Variants in FAM204A observed in about 807,000 individuals in gnomAD.
FAM204A encodes the protein family with sequence similarity 204 member A, also known as protein FAM204A.
In FAM204A, 16 loss-of-function variants were observed where a neutral mutation model predicts 35.4. The ratio of observed to expected loss-of-function variants is 0.45; its 90% confidence interval spans 0.31 to 0.69. The LOEUF (loss-of-function observed/expected upper bound fraction) is 0.69, where lower values mean the gene tolerates loss of function less well. Among genes scored for constraint, FAM204A ranks in the 30% least tolerant of loss-of-function variants. The pLI, the probability that FAM204A is intolerant of heterozygous loss-of-function variation, is 0.07. For synonymous variants in FAM204A, 76 were observed against 86.9 expected (o/e 0.88, Z 0.70); for missense variants, 240 against 265.7 (o/e 0.90, Z 0.67).
rs1364780643 is a variant in FAM204A at position 118,304,211 on chromosome 10, C to T, written c.*6646G>A. 1.3e-5 allele frequency: 2 copies of T among 152,166 alleles called. No individual in the cohort carries two copies. Among genetic ancestry groups the T allele is most frequent in the African/African-American group, 4.8e-5 (2 of 41,410 alleles). 9.4% of individuals were successfully genotyped at this position (152,166 alleles called of 1,614,324 possible). A position where few individuals can be genotyped will look rare whatever the true frequency, so the allele number is the denominator to read the frequency against. ...TCTTTCATCGACCTATTTCTGCAAC[C>T]TCCCTCCCTTCTGACCTCCAGGTTG... On this transcript the variant is annotated 3_prime_UTR_variant, in exon 9 of 9. Transcript: ENST00000369183.
At chr10:118,331,468 T>C (rs1846286633) in intron 6 of FAM204A, among the ~76,000 whole-genome samples, 1 of 152,176 alleles carries the variant, frequency 6.6e-6, no homozygotes. Context: ...TGCCAATTAA[T>C]TAAGTTTTAA....
rs1236381212 is a variant in FAM204A at position 118,298,967 on chromosome 10, CA to C, written c.*11889del. ...CAGCGATGGACTAATGGTTGCCTAG[CA>C]ACCACTAGACATTGTTTTGCTGCTT... On this transcript the variant is annotated 3_prime_UTR_variant, in exon 9 of 9. Coordinates refer to ENST00000369183, the MANE Select transcript of FAM204A (RefSeq NM_022063.3). 6.6e-6 allele frequency: 1 copy of C among 152,224 alleles called. No homozygotes were observed. The highest frequency in any genetic ancestry group is 1.9e-4 in the East Asian group (1 of 5,198). 9.4% of individuals were successfully genotyped at this position (152,224 alleles called of 1,614,324 possible).
In FAM204A at chr10:118,310,670, T is replaced by C; in HGVS notation, c.*187A>G. 1 of 568,640 alleles carries C rather than the reference T, an allele frequency of 1.8e-6. No individual in the cohort carries two copies. The highest frequency in any genetic ancestry group is 3.2e-5 in the East Asian group (1 of 31,512). 35.2% of individuals were successfully genotyped at this position (568,640 alleles called of 1,614,324 possible). ...CTTATACAAATAACAGAATGCTTCA[T>C]TTTATTCACTTCAATAGGACAAAGT... On this transcript the variant is annotated 3_prime_UTR_variant, in exon 9 of 9. Transcript: ENST00000369183.
rs1172785171 is a variant in FAM204A at position 118,298,683 on chromosome 10, T to C, written c.*12174A>G. ...ATTTTACAATGTACAGAGATTATTG[T>C]TACGTCCACATTATTATTTTTGGCA... On this transcript the variant is annotated 3_prime_UTR_variant, in exon 9 of 9. Transcript: ENST00000369183. 1 of 152,202 alleles carries C rather than the reference T, an allele frequency of 6.6e-6. No individual in the cohort carries two copies. The highest frequency in any genetic ancestry group is 1.9e-4 in the East Asian group (1 of 5,188). The allele number at this position is 152,202 out of a possible 1,614,324, so 9.4% of individuals were successfully genotyped here.
At chr10:118,311,592 A>T (rs1453531408) in intron 7 of FAM204A, 1 of 288,792 alleles carries the variant, frequency 3.5e-6, no homozygotes, top group East Asian at 7.1e-5. Context: ...AGTAATGAGG[A>T]TCTTCAAGCT....
At position 118,326,275 on chromosome 10, in the gene FAM204A, T is replaced by TG. The variant is rs767620788; in HGVS notation, c.454-33dup. On this transcript the variant is annotated intron_variant, in intron 6 of 8. Coordinates refer to ENST00000369183, the MANE Select transcript of FAM204A (RefSeq NM_022063.3). Reference sequence around the variant, plus strand: ...AAAAAAGAAACCTAAAATTAAGGGCTGGAAGGAAAGCAAACATTTGCTAGC... The same window carrying TG: ...AAAAAAGAAACCTAAAATTAAGGGCTGGGAAGGAAAGCAAACATTTGCTAGC... The TG allele has an allele frequency of 3.8e-6, 6 of 1,576,726 alleles. No individual in the cohort carries two copies. In the South Asian group the frequency reaches 5.6e-5, roughly 15 times the overall value.
chr10:118,326,238 G>A lies in FAM204A; in HGVS notation c.459C>T (p.Gly153=). 1.9e-6 allele frequency: 3 copies of A among 1,611,692 alleles called. No individual in the cohort carries two copies. Among genetic ancestry groups the A allele is most frequent in the Non-Finnish European group, 2.5e-6 (3 of 1,179,082 alleles). Residue 153 remains glycine, a synonymous_variant, in exon 7 of 9, where the codon GGC becomes GGT. Transcript: ENST00000369183. The part of the protein sequence containing the change: ...PVKRKKVEKS[G]LEKRIDQAVE... ...CAGCCTGGTCTATCCTCTTTTCAAG[G>A]CCTGACTAGAAAAAAAAGAAACCTA...
chr10:118,313,787 A>G (rs1194173906), intron 7 of FAM204A, among the ~76,000 whole-genome samples: 1 of 152,234 alleles, frequency 6.6e-6, no homozygotes, highest in South Asian at 2.1e-4. Context: ...GATCTGAACC[A>G]TATTTGCCAT....
At chr10:118,332,530 T>C (rs531299105) in intron 6 of FAM204A, among the ~76,000 whole-genome samples, 8 of 98,328 alleles carry the variant, frequency 8.1e-5, no homozygotes, top group Non-Finnish European at 1.6e-4. Context: ...CTCCACATCC[T>C]AATGCCCCTC....
chr10:118,324,384 C>T (rs1377537023), intron 7 of FAM204A, among the ~76,000 whole-genome samples: 1 of 152,148 alleles, frequency 6.6e-6, no homozygotes, highest in African/African-American at 2.4e-5. Flanking sequence ...TTCATAGCAG[C>T]ATTATTCGTA....
chr10:118,316,916 C>T (rs984110777), intron 7 of FAM204A, among the ~76,000 whole-genome samples: 7 of 151,852 alleles, frequency 4.6e-5, no homozygotes, highest in Non-Finnish European at 7.4e-5. Flanking sequence ...TGGATACAGA[C>T]GTTTATATTC....
Position 118,310,585 on chromosome 10 carries a change from C to T in FAM204A, c.*272G>A. 5.0e-6 allele frequency: 2 copies of T among 397,178 alleles called. No homozygotes were observed. Among genetic ancestry groups the T allele is most frequent in the Non-Finnish European group, 8.8e-6 (2 of 226,662 alleles). 24.6% of individuals were successfully genotyped at this position (397,178 alleles called of 1,614,324 possible). A position where few individuals can be genotyped will look rare whatever the true frequency, so the allele number is the denominator to read the frequency against. Reference sequence around the variant, plus strand: ...CCAAAAGTGATTTTATACCAAGGGTCCATCCATACAAATAAACAAAATCCT... The same window carrying T: ...CCAAAAGTGATTTTATACCAAGGGTTCATCCATACAAATAAACAAAATCCT... On this transcript the variant is annotated 3_prime_UTR_variant, in exon 9 of 9. Transcript: ENST00000369183.
intron 7 of FAM204A, among the ~76,000 whole-genome samples, chr10:118,315,317 A>C (rs190449549): frequency 8.7e-4 from 133 of 152,296 alleles, no homozygotes; most frequent in African/African-American, 3.1e-3. Context: ...GTTTGCTGAT[A>C]ATCATTTGAA....
At chr10:118,322,382 G>A (rs1438062830) in intron 7 of FAM204A, 1 of 456,342 alleles carries the variant, frequency 2.2e-6, no homozygotes, top group East Asian at 7.0e-5. Flanking sequence ...CTGACACTGA[G>A]AAACACACAA....
chr10:118,311,262 T>A lies in FAM204A; in HGVS notation c.595A>T (p.Lys199Ter). ...GCCTGTGAATTTTCAACCTCCTTTT[T>A]GGCTTTTACAAAGTTGTGGCAGGCA... ...AVACHNFVKA[K>*]KEVENSQAAR... Residue 199 changes from lysine (K) to a stop codon, truncating the protein, a stop_gained, in exon 8 of 9, where the codon AAA becomes TAA. Coordinates refer to ENST00000369183, the MANE Select transcript of FAM204A (RefSeq NM_022063.3). LOFTEE classifies it high-confidence loss of function. 6.2e-7 allele frequency: 1 copy of A among 1,612,612 alleles called. No individual in the cohort carries two copies. The highest frequency in any genetic ancestry group is 1.1e-5 in the South Asian group (1 of 90,458).
At chr10:118,315,418 T>C (rs1264820977) in intron 7 of FAM204A, among the ~76,000 whole-genome samples, 1 of 152,178 alleles carries the variant, frequency 6.6e-6, no homozygotes, top group Non-Finnish European at 1.5e-5. Context: ...TACTAGCTTG[T>C]AACAGATTTA....
rs1845837322 is a variant in FAM204A at position 118,304,156 on chromosome 10, G to A, written c.*6701C>T. ...CTTGCCTGACAGCTCAGCGGCATTTGTTCCTGTTGACATGCCACCTTTCAA... is the reference window on the plus strand; with the variant it reads ...CTTGCCTGACAGCTCAGCGGCATTTATTCCTGTTGACATGCCACCTTTCAA... On this transcript the variant is annotated 3_prime_UTR_variant, in exon 9 of 9. Coordinates refer to ENST00000369183, the MANE Select transcript of FAM204A (RefSeq NM_022063.3). The A allele has an allele frequency of 6.6e-6, 1 of 152,146 alleles. No individual in the cohort carries two copies. The highest frequency in any genetic ancestry group is 1.9e-4 in the East Asian group (1 of 5,186). 9.4% of individuals were successfully genotyped at this position (152,146 alleles called of 1,614,324 possible).
intron 7 of FAM204A, among the ~76,000 whole-genome samples, chr10:118,313,350 A>G (rs913667638): frequency 3.9e-5 from 6 of 152,150 alleles, no homozygotes; most frequent in Non-Finnish European, 2.9e-5. Context: ...ATGGCAGAAC[A>G]AGAGCGGGAG....
intron 7 of FAM204A, among the ~76,000 whole-genome samples, chr10:118,312,721 G>A (rs187174309): frequency 4.1e-4 from 62 of 152,226 alleles, no homozygotes; most frequent in Non-Finnish European, 7.4e-4. Context: ...GACCAACCTC[G>A]GTGTGTTCCC....
Sources: gnomAD v4.1 joint callset for allele counts (sites outside exome capture counted in the v4.1 genomes callset) on GRCh38, gnomAD v4.1.1 for gene constraint, MANE v1.5 for transcripts, NCBI Gene and HGNC (gene_info 2026-07-23, HGNC 2026-07-21) for gene names.